Variants in SLCO4A1 observed in about 807,000 individuals in gnomAD.
SLCO4A1 encodes the protein solute carrier organic anion transporter family member 4A1.
SLCO4A1 carries 51 observed loss-of-function variants against 64.6 expected under a neutral mutation model. That is an observed-to-expected ratio of 0.79 (90% confidence interval 0.63 to 1.00). The LOEUF is 1.00. SLCO4A1 is among the 50% of genes least tolerant of loss of function. The pLI, the probability that SLCO4A1 is intolerant of heterozygous loss-of-function variation, is 0.00. For missense variants in SLCO4A1, 919 were observed against 980.5 expected (o/e 0.94, Z 0.84); for synonymous variants, 471 against 444.9 (o/e 1.06, Z -0.74).
chr20:62,645,522 A>ATCCTCACCC lies in SLCO4A1; in HGVS notation c.-97+2969_-97+2970insTCCTCACCC, dbSNP rs1176077469. 7.0e-6 allele frequency among the ~76,000 whole-genome samples: 1 copy of ATCCTCACCC among 143,876 alleles called. No individual in the cohort carries two copies. The highest frequency in any genetic ancestry group is 2.4e-4 in the South Asian group (1 of 4,130). 94.4% of individuals were successfully genotyped at this position (143,876 alleles called of 152,430 possible). On this transcript the variant is annotated intron_variant, in intron 1 of 11. Coordinates refer to ENST00000217159, the MANE Select transcript of SLCO4A1 (RefSeq NM_016354.4). The surrounding 1 kb of genome is among the most constrained non-coding windows in gnomAD (Gnocchi z 4.2). ...CACCCTCACCCTCATCCTCACCCGC[A>ATCCTCACCC]GCCTCACCCTCAGTCCTCAGACACT...
In SLCO4A1 at chr20:62,668,465, T is replaced by C. The variant is rs1289646645; in HGVS notation, c.1812-12T>C. On this transcript the variant is annotated splice_polypyrimidine_tract_variant and intron_variant, in intron 9 of 11. Transcript: ENST00000217159. ...CTTCTGTGGGTGCTGACGCTGTGGT[T>C]TTCTATTGCAGATGTGTCCGTGACC... The C allele has an allele frequency of 1.2e-6, 2 of 1,613,782 alleles. No homozygotes were observed. The highest frequency in any genetic ancestry group is 1.1e-5 in the South Asian group (1 of 91,066).
At position 62,671,889 on chromosome 20, in the gene SLCO4A1, T is replaced by A. The variant is rs1425146336; in HGVS notation, c.2165T>A (p.Val722Asp). The A allele has an allele frequency of 1.2e-6, 2 of 1,610,910 alleles. No individual in the cohort carries two copies. Among genetic ancestry groups the A allele is most frequent in the Admixed American group, 3.3e-5 (2 of 60,010 alleles). Residue 722 changes from valine (V) to aspartate (D), a missense_variant, in exon 12 of 12, where the codon GTC becomes GAC. Val to Asp is a radical substitution (Grantham distance 152). Transcript: ENST00000217159. The stretch of plus-strand genomic sequence containing the variant: ...ACAGATAGCCAGCTCCAGAGCAGCG[T>A]CTGACCACCGCCCGCGCCCACCCGG... ...SATDSQLQSS[V>D]
At position 62,665,013 on chromosome 20, in the gene SLCO4A1, G is replaced by GT. The variant is rs1985832685; in HGVS notation, c.1201_1202insT (p.Gly401ValfsTer152). 6.2e-7 allele frequency: 1 copy of GT among 1,613,724 alleles called. No homozygotes were observed. The highest frequency in any genetic ancestry group is 1.3e-5 in the African/African-American group (1 of 74,886). ...GGCCACCGAGGCCACTCTCATCACC[G>GT]GCATGTCCACGTTCAGCCCCAAGTT... On this transcript the variant is annotated frameshift_variant, in exon 6 of 12. Coordinates refer to ENST00000217159, the MANE Select transcript of SLCO4A1 (RefSeq NM_016354.4). LOFTEE classifies it high-confidence loss of function.
chr20:62,645,505 CCCTCAT>C lies in SLCO4A1; in HGVS notation c.-97+2958_-97+2963del, dbSNP rs1298722844. Reference sequence around the variant, plus strand: ...GGACCCACCCACACCCGCACCCTCACCCTCATCCTCACCCGCAGCCTCACCCTCAGT... The same window carrying C: ...GGACCCACCCACACCCGCACCCTCACCCTCACCCGCAGCCTCACCCTCAGT... On this transcript the variant is annotated intron_variant, in intron 1 of 11. Transcript: ENST00000217159. The surrounding 1 kb of genome is among the most constrained non-coding windows in gnomAD (Gnocchi z 4.2). 4.7e-5 allele frequency among the ~76,000 whole-genome samples: 7 copies of C among 147,996 alleles called. No homozygotes were observed. Among genetic ancestry groups the C allele is most frequent in the Admixed American group, 4.6e-4 (7 of 15,070 alleles).
At position 62,661,704 on chromosome 20, in the gene SLCO4A1, C is replaced by G. The variant is rs937655974; in HGVS notation, c.1121+529C>G. Among the ~76,000 whole-genome samples the G allele has an allele frequency of 6.6e-6, 1 of 151,850 alleles. No homozygotes were observed. The highest frequency in any genetic ancestry group is 1.5e-5 in the Non-Finnish European group (1 of 67,896). ...CTCAGAGTCTCTGAGGACCTCCCCC[C>G]TCTACCCGGCGTGTCCCGCTCACCC... On this transcript the variant is annotated intron_variant, in intron 5 of 11. Transcript: ENST00000217159. This position sits in a 1 kb window ranked among gnomAD's most constrained non-coding sequence, Gnocchi z 5.2.
intron 2 of SLCO4A1, among the ~76,000 whole-genome samples, chr20:62,680,892 T>G (rs989483123): frequency 6.6e-6 from 1 of 152,224 alleles, no homozygotes; most frequent in African/African-American, 2.4e-5. Flanking sequence ...TAAAATAACT[T>G]GGGAAATGTC....
downstream of SLCO4A1, among the ~76,000 whole-genome samples, chr20:62,688,598 T>C (rs1988138162): frequency 6.6e-6 from 1 of 152,214 alleles, no homozygotes; most frequent in African/African-American, 2.4e-5. Flanking sequence ...CAAAATGGAA[T>C]GGACGCAGGG....
chr20:62,678,866 G>C (rs1987705798), intron 2 of SLCO4A1, among the ~76,000 whole-genome samples: 1 of 152,162 alleles, frequency 6.6e-6, no homozygotes, highest in Non-Finnish European at 1.5e-5. Context: ...AAGCTGCAGG[G>C]ATGGAGAGGA....
chr20:62,672,305 C>T (rs980779766), downstream of SLCO4A1: 25 of 1,080,216 alleles, frequency 2.3e-5, no homozygotes, highest in Middle Eastern at 4.4e-4. Flanking sequence ...GTCCCCGTAC[C>T]GCGTGCTTTA....
chr20:62,676,714 C>T (rs114842741), downstream of SLCO4A1, among the ~76,000 whole-genome samples: 908 of 152,322 alleles, frequency 6.0e-3, 6 homozygotes, highest in African/African-American at 0.021. Flanking sequence ...GGCACAGCCG[C>T]TTTGGAAAAC....
chr20:62,666,410 G>C lies in SLCO4A1; in HGVS notation c.1307G>C (p.Gly436Ala), dbSNP rs868392951. 4 of 1,613,000 alleles carry C rather than the reference G, an allele frequency of 2.5e-6. No individual in the cohort carries two copies. Among genetic ancestry groups the C allele is most frequent in the Middle Eastern group, 1.7e-4 (1 of 6,056 alleles). ...CTGGTGGTGCCAGCGGGTGGTGGCG[G>C]CACCTTCCTGGGCGGCTTCTTTGTG... ...GYLVVPAGGG[G>A]TFLGGFFVNK... The change falls in exon 7 of 12, where the codon GGC becomes GCC. Residue 436 changes from glycine (G) to alanine (A), a missense_variant. Coordinates refer to ENST00000217159, the MANE Select transcript of SLCO4A1 (RefSeq NM_016354.4).
At chr20:62,686,711 T>C (rs1988070123), downstream of SLCO4A1, among the ~76,000 whole-genome samples, 1 of 152,230 alleles carries the variant, frequency 6.6e-6, no homozygotes, top group African/African-American at 2.4e-5. Flanking sequence ...TGAATTAGTA[T>C]ATCAGCTATT....
intron 3 of SLCO4A1, 55 bp downstream of exon 3, chr20:62,658,822 AGGG>A (rs1984243306): frequency 1.4e-6 from 2 of 1,439,962 alleles, no homozygotes; most frequent in African/African-American, 2.8e-5. Context: ...TGTCTCTGGA[AGGG>A]GGTTCAGAGT....
intron 8 of SLCO4A1, 29 bp downstream of exon 8, chr20:62,667,939 G>A: frequency 6.2e-7 from 1 of 1,613,984 alleles, no homozygotes; most frequent in East Asian, 2.2e-5. Context: ...TACCGCCCCT[G>A]TCCTCCCCTG....
downstream of SLCO4A1, among the ~76,000 whole-genome samples, chr20:62,687,189 C>T (rs1369469040): frequency 2.6e-5 from 4 of 151,714 alleles, no homozygotes; most frequent in East Asian, 1.9e-4. Flanking sequence ...CAAACAGGAG[C>T]GATGGAAAGG....
intron 1 of SLCO4A1, among the ~76,000 whole-genome samples, chr20:62,648,380 G>A (rs1981793228): frequency 6.6e-6 from 1 of 152,250 alleles, no homozygotes; most frequent in Admixed American, 6.5e-5. Context: ...AGAGGTGAGT[G>A]GGTGCCCTGG....
Position 62,666,361 on chromosome 20 carries a change from A to C in SLCO4A1, c.1277-19A>C. The C allele has an allele frequency of 6.2e-7, 1 of 1,609,660 alleles. No individual in the cohort carries two copies. The highest frequency in any genetic ancestry group is 8.5e-7 in the Non-Finnish European group (1 of 1,177,978). ...GGCCCCCTGCCTGAGTCCCTGGCTG[A>C]ATCCCTCCCTCTCCCCAGGGTACCT... is the stretch of plus-strand genomic sequence containing the variant. On this transcript the variant is annotated intron_variant, in intron 6 of 11. Transcript: ENST00000217159.
At chr20:62,681,070 G>A (rs1002012474) in intron 2 of SLCO4A1, among the ~76,000 whole-genome samples, 6 of 152,052 alleles carry the variant, frequency 3.9e-5, no homozygotes, top group Admixed American at 1.3e-4. Context: ...AAGTCACCAC[G>A]CCCAGATAAT....
Position 62,644,276 on chromosome 20 carries a change from C to T in SLCO4A1, c.-97+1723C>T, listed in dbSNP as rs902798980. 2.0e-5 allele frequency among the ~76,000 whole-genome samples: 3 copies of T among 152,248 alleles called. No homozygotes were observed. The highest frequency in any genetic ancestry group is 2.9e-5 in the Non-Finnish European group (2 of 68,040). ...CTGACCACAGCCAGGCTGCCCTGAC[C>T]GCCCTCAGCAGGCTGTGTCCTGCCT... On this transcript the variant is annotated intron_variant, in intron 1 of 11. Transcript: ENST00000217159. This position sits in a 1 kb window ranked among gnomAD's most constrained non-coding sequence, Gnocchi z 5.4.
Sources: allele counts gnomAD v4.1 joint callset (sites outside exome capture counted in the v4.1 genomes callset), GRCh38; gene constraint gnomAD v4.1.1; non-coding constraint Gnocchi (gnomAD v3.1); transcripts MANE v1.5; gene names NCBI Gene and HGNC (gene_info 2026-07-23, HGNC 2026-07-21).